The following DIPK1A variants were observed in gnomAD, a reference collection of about 807,000 sequenced individuals.
DIPK1A encodes divergent protein kinase domain 1A.
DIPK1A carries 27 observed loss-of-function variants against 40.8 expected under a neutral mutation model. The ratio of observed to expected loss-of-function variants is 0.66; its 90% CI spans 0.49 to 0.91. The LOEUF is 0.91. DIPK1A is among the 40% of genes least tolerant of loss of function. DIPK1A has a pLI of 0.00. For missense variants in DIPK1A, 412 were observed against 505.7 expected (o/e 0.81, Z 1.78); for synonymous variants, 166 against 171.3 (o/e 0.97, Z 0.24).
intron 1 of DIPK1A, among the ~76,000 whole-genome samples, chr1:92,955,656 C>A (rs1164963609): frequency 1.4e-5 from 2 of 147,934 alleles, no homozygotes; most frequent in African/African-American, 5.1e-5. Flanking sequence ...TGAGATCGCA[C>A]CACTGCACTA....
chr1:92,856,126 C>T (rs1308544258), intron 2 of DIPK1A, among the ~76,000 whole-genome samples: 2 of 151,208 alleles, frequency 1.3e-5, no homozygotes, highest in African/African-American at 2.4e-5. Flanking sequence ...GAAAACTTTA[C>T]CAAAAAAGAT....
intron 2 of DIPK1A, among the ~76,000 whole-genome samples, chr1:92,865,440 GA>G (rs113093197): frequency 0.01 from 1,513 of 148,170 alleles, 24 homozygotes; most frequent in African/African-American, 0.035. Flanking sequence ...AAGCACAAGT[GA>G]AAAAAAAAAT....
intron 1 of DIPK1A, among the ~76,000 whole-genome samples, chr1:92,955,350 G>A (rs4847386): frequency 0.45 from 68,606 of 151,984 alleles, 15,882 homozygotes; most frequent in East Asian, 0.71. Flanking sequence ...GTGATAATAC[G>A]TCAGTGTAAG....
intron 1 of DIPK1A, among the ~76,000 whole-genome samples, chr1:92,914,473 T>C (rs966578946): frequency 2.6e-5 from 4 of 151,838 alleles, no homozygotes; most frequent in Non-Finnish European, 5.9e-5. Context: ...AGATCACACA[T>C]AAGAAGTGGG....
chr1:92,952,059 A>G (rs1262201362), intron 1 of DIPK1A, among the ~76,000 whole-genome samples: 1 of 143,192 alleles, frequency 7.0e-6, no homozygotes, highest in Admixed American at 7.1e-5. Flanking sequence ...GAGAATGGCC[A>G]CTCTTTAAAA....
At chr1:92,953,730 A>G (rs1299296459) in intron 1 of DIPK1A, among the ~76,000 whole-genome samples, 1 of 152,186 alleles carries the variant, frequency 6.6e-6, no homozygotes, top group Non-Finnish European at 1.5e-5. Flanking sequence ...ACCAAGGGCC[A>G]GGGGCAGGAG....
downstream of DIPK1A, among the ~76,000 whole-genome samples, chr1:92,841,558 T>TG (rs1557444790): frequency 6.6e-6 from 1 of 152,166 alleles, no homozygotes; most frequent in African/African-American, 2.4e-5. Context: ...TTTGGCCCTA[T>TG]GGTAGTAGGA....
intron 1 of DIPK1A, chr1:92,932,000 T>A: frequency 1.9e-6 from 1 of 513,570 alleles, no homozygotes; most frequent in South Asian, 1.7e-5. Context: ...ATATTTGCAA[T>A]AAAATCTTGG....
In DIPK1A at chr1:92,914,814, G is replaced by A. The variant is rs1263932270; in HGVS notation, c.55-38384C>T. ...GAAGTAGGCACTTAGGGCTGGGCGC[G>A]GTGGCTCACACCTGTAATCCCAGCA... On this transcript the variant is annotated intron_variant, in intron 1 of 4. Coordinates refer to ENST00000370310, the MANE Select transcript of DIPK1A (RefSeq NM_001006605.5). Among the ~76,000 whole-genome samples the A allele has an allele frequency of 4.0e-5, 6 of 150,130 alleles. No homozygotes were observed. The South Asian group carries it at 6.3e-4, about 16-fold the overall frequency.
chr1:92,859,642 C>G (rs1688103247), intron 2 of DIPK1A, among the ~76,000 whole-genome samples: 1 of 152,184 alleles, frequency 6.6e-6, no homozygotes, highest in Non-Finnish European at 1.5e-5. Flanking sequence ...TATCTCCTTA[C>G]TTTGATCAAG....
intron 4 of DIPK1A, among the ~76,000 whole-genome samples, chr1:92,844,972 T>A (rs1687528828): frequency 6.9e-6 from 1 of 143,982 alleles, no homozygotes; most frequent in African/African-American, 2.6e-5. Context: ...TGAGACGGAG[T>A]CTCGCTCTTT....
At chr1:92,833,002 C>T in exon 5 of DIPK1A, 1 of 738,486 alleles carries the variant, frequency 1.4e-6, no homozygotes, top group Non-Finnish European at 2.5e-6. Context: ...AGCAGTGCTT[C>T]GCAAAAGTTT....
intron 1 of DIPK1A, among the ~76,000 whole-genome samples, chr1:92,901,957 C>T (rs1213126369): frequency 1.3e-5 from 2 of 152,128 alleles, no homozygotes; most frequent in Non-Finnish European, 2.9e-5. Flanking sequence ...CAGCTCAGCC[C>T]TGGGATGCAC....
chr1:92,849,723 A>G (rs1223500250), intron 3 of DIPK1A, among the ~76,000 whole-genome samples: 2 of 151,966 alleles, frequency 1.3e-5, no homozygotes, highest in Non-Finnish European at 2.9e-5. Context: ...AATGTTGCTC[A>G]GGTTGGTCTT....
At chr1:92,866,958 T>C (rs1353866071) in intron 2 of DIPK1A, among the ~76,000 whole-genome samples, 4 of 151,804 alleles carry the variant, frequency 2.6e-5, no homozygotes, top group African/African-American at 9.7e-5. Context: ...GATTAAATAA[T>C]GTGTGTGTGT....
At chr1:92,956,025 G>A (rs1051225684) in intron 1 of DIPK1A, among the ~76,000 whole-genome samples, 1 of 151,854 alleles carries the variant, frequency 6.6e-6, no homozygotes, top group Admixed American at 6.6e-5. Flanking sequence ...GACAGAGGGA[G>A]ATCCTGTATC....
rs1299462306 is a variant in DIPK1A, at chr1:92,846,809, A to ATGTGTG, written c.474+373_474+374insCACACA. ...ACTCCTGGCATATATATATATATAT[A>ATGTGTG]TATATATATATATATATATATATAT... On this transcript the variant is annotated intron_variant, in intron 4 of 4. Transcript: ENST00000370310. 5.0e-3 allele frequency among the ~76,000 whole-genome samples: 14 copies of ATGTGTG among 2,816 alleles called. 2 individuals are homozygous for ATGTGTG. The highest frequency in any genetic ancestry group is 0.044 in the African/African-American group (14 of 316). The allele number at this position is 2,816 out of a possible 152,430, so 1.8% of individuals were successfully genotyped here. A position where few individuals can be genotyped will look rare whatever the true frequency, so the allele number is the denominator to read the frequency against.
chr1:92,916,628 T>C (rs951786495), intron 1 of DIPK1A, among the ~76,000 whole-genome samples: 23 of 152,118 alleles, frequency 1.5e-4, no homozygotes, highest in Non-Finnish European at 2.9e-4. Context: ...TATGAATAAA[T>C]CAATCAATAC....
chr1:92,909,799 T>C (rs548428788), intron 1 of DIPK1A, among the ~76,000 whole-genome samples: 1 of 152,310 alleles, frequency 6.6e-6, no homozygotes, highest in South Asian at 2.1e-4. Flanking sequence ...TTAAGTAACT[T>C]GACTACCAGG....
Sources: gnomAD v4.1 joint callset for allele counts (sites outside exome capture counted in the v4.1 genomes callset) on GRCh38, gnomAD v4.1.1 for gene constraint, MANE v1.5 for transcripts, NCBI Gene and HGNC (gene_info 2026-07-23, HGNC 2026-07-21) for gene names.